The following GNA14 variants were observed in gnomAD, a reference collection of about 807,000 sequenced individuals.
The protein encoded by GNA14 is guanine nucleotide-binding protein subunit alpha-14.
GNA14 carries 50 observed loss-of-function variants against 42.0 expected under a neutral mutation model. The observed-to-expected ratio is 1.19, with a 90% confidence interval of 0.95 to 1.51. The LOEUF (loss-of-function observed/expected upper bound fraction) is 1.51. Among genes scored for constraint, GNA14 ranks in the 40% most tolerant of loss-of-function variants. GNA14 has a pLI of 0.00. For missense variants in GNA14, 473 were observed against 446.2 expected, an observed-to-expected ratio of 1.06 and a Z score of -0.54; for synonymous variants, 173 against 163.1, an observed-to-expected ratio of 1.06 and a Z score of -0.46.
chr9:77,501,712 TC>T (rs1399614104), intron 2 of GNA14, among the ~76,000 whole-genome samples: 13 of 115,284 alleles, frequency 1.1e-4, no homozygotes, highest in African/African-American at 4.4e-4. Context: ...TTGGATAATT[TC>T]TTTTTTTTTT....
intron 2 of GNA14, among the ~76,000 whole-genome samples, chr9:77,493,525 G>A (rs2182750): frequency 0.62 from 93,881 of 151,992 alleles, 30,683 homozygotes; most frequent in East Asian, 0.83. Flanking sequence ...TTATATATGA[G>A]TTTATGAACA....
intron 1 of GNA14, among the ~76,000 whole-genome samples, chr9:77,623,216 C>CAAAAAAAAAAAAAAAAAA (rs34368561): frequency 1.1e-4 from 3 of 26,854 alleles, no homozygotes; most frequent in Non-Finnish European, 2.6e-4. Flanking sequence ...GACGCTGTCT[C>CAAAAAAAAAAAAAAAAAA]AAAAAAAAAA....
chr9:77,519,826 A>G (rs926722394), intron 2 of GNA14, among the ~76,000 whole-genome samples: 14 of 152,124 alleles, frequency 9.2e-5, no homozygotes, highest in Non-Finnish European at 1.5e-4. Context: ...CCTGGCCAAC[A>G]TGGCGAAACC....
intron 1 of GNA14, among the ~76,000 whole-genome samples, chr9:77,533,422 C>T (rs771465853): frequency 1.3e-5 from 2 of 152,208 alleles, no homozygotes; most frequent in African/African-American, 4.8e-5. Context: ...TCAGGCCATC[C>T]TCCTGCCTCA....
chr9:77,584,042 C>T (rs1823264885), intron 1 of GNA14, among the ~76,000 whole-genome samples: 1 of 152,130 alleles, frequency 6.6e-6, no homozygotes, highest in South Asian at 2.1e-4. Flanking sequence ...GATGACCTCC[C>T]AACAGAGAAT....
chr9:77,517,671 A>C (rs1029440176), intron 2 of GNA14: 1 of 121,830 alleles, frequency 8.2e-6, no homozygotes, highest in Non-Finnish European at 1.6e-5. Flanking sequence ...CAGTGGTGTA[A>C]TCATGGCTCA....
chr9:77,516,545 G>A (rs746756831), intron 2 of GNA14, among the ~76,000 whole-genome samples: 36 of 152,148 alleles, frequency 2.4e-4, no homozygotes, highest in Non-Finnish European at 4.1e-4. Context: ...GGCCAACATG[G>A]TGAAACCACA....
intron 2 of GNA14, among the ~76,000 whole-genome samples, chr9:77,500,955 G>A (rs1178779201): frequency 6.6e-6 from 1 of 151,722 alleles, no homozygotes; most frequent in Non-Finnish European, 1.5e-5. Flanking sequence ...TATGGTAGTT[G>A]AACTCTTTTT....
intron 1 of GNA14, among the ~76,000 whole-genome samples, chr9:77,607,189 CAA>C (rs376521192): frequency 5.7e-4 from 87 of 152,280 alleles, no homozygotes; most frequent in African/African-American, 2.0e-3. Flanking sequence ...CTGGGAGCTT[CAA>C]CAGTCTGTAA....
At chr9:77,542,246 A>G (rs10120891) in intron 1 of GNA14, among the ~76,000 whole-genome samples, 1 of 151,920 alleles carries the variant, frequency 6.6e-6, no homozygotes, top group East Asian at 1.9e-4. Flanking sequence ...ATATGGCACT[A>G]TGGCTTTGAT....
Position 77,424,126 on chromosome 9 carries a change from C to T in GNA14, c.921G>A (p.Lys307=). 1 of 1,612,796 alleles carries T rather than the reference C, an allele frequency of 6.2e-7. No homozygotes were observed. Among genetic ancestry groups the T allele is most frequent in the Non-Finnish European group, 8.5e-7 (1 of 1,179,290 alleles). Residue 307 remains lysine (K), a synonymous_variant, in exon 7 of 7, where the codon AAG becomes AAA. Transcript: ENST00000341700. The stretch of plus-strand genomic sequence containing the variant: ...TGTCAGGATTCTGATCTTGGTAAAG[C>T]TTCAGGATAAAGTCTCTGGCAGCTC... ...DVRAARDFIL[K]LYQDQNPDKE...
intron 2 of GNA14, among the ~76,000 whole-genome samples, chr9:77,509,894 A>G (rs7041488): frequency 0.52 from 78,975 of 152,152 alleles, 22,938 homozygotes; most frequent in African/African-American, 0.79. Flanking sequence ...CTGGCATAAA[A>G]TGCCTCTTAA....
At chr9:77,489,225 T>C (rs1254457363) in intron 2 of GNA14, among the ~76,000 whole-genome samples, 3 of 151,138 alleles carry the variant, frequency 2.0e-5, no homozygotes, top group African/African-American at 7.3e-5. Flanking sequence ...AATACACAGT[T>C]AGAGGGAAAA....
intron 1 of GNA14, among the ~76,000 whole-genome samples, chr9:77,611,262 G>A (rs1823726056): frequency 6.6e-6 from 1 of 152,174 alleles, no homozygotes. Flanking sequence ...ATTATTCATT[G>A]CATAGAAAGT....
Position 77,423,276 on chromosome 9 carries a change from T to TGC in GNA14, c.*701_*702dup, listed in dbSNP as rs1564009198. On this transcript the variant is annotated 3_prime_UTR_variant, in exon 7 of 7. Coordinates refer to ENST00000341700, the MANE Select transcript of GNA14 (RefSeq NM_004297.4). ...GTAAAAATGTACACACACACACACG[T>TGC]GCACACACACACATTTTTCACCAAT... 1 of 152,028 alleles carries TGC rather than the reference T, an allele frequency of 6.6e-6. No individual in the cohort carries two copies. Among genetic ancestry groups the TGC allele is most frequent in the Non-Finnish European group, 1.5e-5 (1 of 68,014 alleles). The allele number at this position is 152,028 out of a possible 1,614,324, so 9.4% of individuals were successfully genotyped here.
chr9:77,472,787 G>A (rs965261763), intron 2 of GNA14, among the ~76,000 whole-genome samples: 1 of 90,350 alleles, frequency 1.1e-5, no homozygotes, highest in African/African-American at 4.7e-5. Flanking sequence ...GACATGACAT[G>A]ATCTCTCTCT....
chr9:77,482,032 G>A (rs1360818309), intron 2 of GNA14, among the ~76,000 whole-genome samples: 1 of 152,126 alleles, frequency 6.6e-6, no homozygotes, highest in Non-Finnish European at 1.5e-5. Flanking sequence ...TTTAATTGGA[G>A]CATTTAGCCC....
rs1824382988 is a variant in GNA14 at position 77,647,751 on chromosome 9, G to A, written c.43C>T (p.Gln15Ter). ...CGCTCGATCTCCGCGCTGATGCGCT[G>A]CGACTCCTTCTCCTCCGCGGACAGG... ...CCLSAEEKES[Q>*]RISAEIERQL... Residue 15 changes from glutamine to a stop codon, truncating the protein, a stop_gained, in exon 1 of 7, where the codon CAG (glutamine) becomes TAG (stop). Transcript: ENST00000341700. LOFTEE classifies it high-confidence loss of function. The A allele has an allele frequency of 6.2e-7, 1 of 1,610,198 alleles. No individual in the cohort carries two copies. The highest frequency in any genetic ancestry group is 8.5e-7 in the Non-Finnish European group (1 of 1,178,698).
At chr9:77,485,516 CATGGTATCTAGA>C (rs1248054681) in intron 2 of GNA14, among the ~76,000 whole-genome samples, 1 of 152,150 alleles carries the variant, frequency 6.6e-6, no homozygotes, top group Admixed American at 6.5e-5. Flanking sequence ...AAATGTTCTT[CATGGTATCTAGA>C]ATGGTGAATC....
Sources: allele counts gnomAD v4.1 joint callset (sites outside exome capture counted in the v4.1 genomes callset), GRCh38; gene constraint gnomAD v4.1.1; transcripts MANE v1.5; gene names NCBI Gene and HGNC (gene_info 2026-07-23, HGNC 2026-07-21).